Variants in CTNNA3 observed in about 807,000 individuals in gnomAD.
CTNNA3 encodes the protein catenin alpha 3.
In CTNNA3, 76 loss-of-function variants were observed where a neutral mutation model predicts 95.7. That is an observed-to-expected ratio of 0.79 (90% confidence interval 0.66 to 0.96). The LOEUF (loss-of-function observed/expected upper bound fraction) is 0.96. Among genes scored for constraint, CTNNA3 ranks in the 40% least tolerant of loss-of-function variants. The pLI is 0.00. For missense variants in CTNNA3, 1,191 were observed against 1,089.8 expected (o/e 1.09, Z -1.31); for synonymous variants, 431 against 374.4 (o/e 1.15, Z -1.74).
At chr10:66,800,840 T>A (rs1841401126) in intron 7 of CTNNA3, among the ~76,000 whole-genome samples, 1 of 151,328 alleles carries the variant, frequency 6.6e-6, no homozygotes, top group South Asian at 2.1e-4. Context: ...AGCTTCCCCA[T>A]TCATCCTACT....
At chr10:67,476,053 C>A (rs915231716) in intron 5 of CTNNA3, among the ~76,000 whole-genome samples, 1 of 152,190 alleles carries the variant, frequency 6.6e-6, no homozygotes, top group Non-Finnish European at 1.5e-5. Context: ...AAATGTGTAT[C>A]TTTTCCATAT....
intron 15 of CTNNA3, among the ~76,000 whole-genome samples, chr10:66,006,676 T>C (rs2078893058): frequency 6.6e-6 from 1 of 152,202 alleles, no homozygotes; most frequent in Non-Finnish European, 1.5e-5. Flanking sequence ...ACCACCGTGA[T>C]ATACTGGCTG....
intron 5 of CTNNA3, among the ~76,000 whole-genome samples, chr10:67,276,312 A>G (rs1839180733): frequency 6.6e-6 from 1 of 152,158 alleles, no homozygotes; most frequent in Non-Finnish European, 1.5e-5. Context: ...GGTATTGAAA[A>G]TTGAAATATA....
At chr10:67,645,191 G>GTGCA (rs999876286) in intron 2 of CTNNA3, among the ~76,000 whole-genome samples, 40 of 140,536 alleles carry the variant, frequency 2.8e-4, no homozygotes, top group African/African-American at 1.2e-3. Context: ...GTGCACGTGC[G>GTGCA]CGCACACACA....
chr10:66,360,937 C>CTG (rs2092669319), intron 12 of CTNNA3, among the ~76,000 whole-genome samples: 1 of 140,916 alleles, frequency 7.1e-6, no homozygotes, highest in South Asian at 2.2e-4. Context: ...CTGTCTCTCT[C>CTG]TCTCTCTGTC....
intron 6 of CTNNA3, among the ~76,000 whole-genome samples, chr10:67,208,358 G>A (rs1262503474): frequency 1.5e-5 from 2 of 131,966 alleles, no homozygotes; most frequent in African/African-American, 6.0e-5. Flanking sequence ...CAGCCTGGGT[G>A]ACAGAGCAAG....
intron 7 of CTNNA3, among the ~76,000 whole-genome samples, chr10:67,151,054 CTG>C (rs1392533004): frequency 6.6e-6 from 1 of 152,136 alleles, no homozygotes. Context: ...ATTCCCAAGG[CTG>C]TCTTCACACA....
intron 7 of CTNNA3, among the ~76,000 whole-genome samples, chr10:66,995,152 C>A (rs967083393): frequency 2.0e-5 from 3 of 152,124 alleles, no homozygotes; most frequent in Non-Finnish European, 4.4e-5. Context: ...ATGCACATTC[C>A]ATAATCTCAA....
chr10:67,389,976 C>T (rs1171515856), intron 5 of CTNNA3, among the ~76,000 whole-genome samples: 2 of 150,886 alleles, frequency 1.3e-5, no homozygotes. Context: ...AAAATTGACA[C>T]CCTAACATCA....
At chr10:66,757,811 T>C (rs1839425990) in intron 9 of CTNNA3, among the ~76,000 whole-genome samples, 1 of 152,156 alleles carries the variant, frequency 6.6e-6, no homozygotes, top group South Asian at 2.1e-4. Flanking sequence ...CTGGCATTGA[T>C]AGAACTGAGC....
At chr10:67,232,788 T>C (rs1319264485) in intron 5 of CTNNA3, among the ~76,000 whole-genome samples, 1 of 151,548 alleles carries the variant, frequency 6.6e-6, no homozygotes, top group Non-Finnish European at 1.5e-5. Flanking sequence ...GAGACACACA[T>C]AGGCTCAAAA....
intron 12 of CTNNA3, among the ~76,000 whole-genome samples, chr10:66,333,119 T>C (rs1409705338): frequency 6.6e-6 from 1 of 152,056 alleles, no homozygotes; most frequent in Non-Finnish European, 1.5e-5. Flanking sequence ...CTTCTCTCTT[T>C]TCTTCTTTAT....
intron 12 of CTNNA3, among the ~76,000 whole-genome samples, chr10:66,303,547 G>C (rs1464865285): frequency 6.6e-6 from 1 of 151,888 alleles, no homozygotes; most frequent in Non-Finnish European, 1.5e-5. Flanking sequence ...TTATATAATT[G>C]GTTAGGCATA....
chr10:66,532,469 A>G lies in CTNNA3; in HGVS notation c.1375-11696T>C, dbSNP rs1056576022. Among the ~76,000 whole-genome samples, 8 of 36,412 alleles carry G rather than the reference A, an allele frequency of 2.2e-4. No individual in the cohort carries two copies. The Admixed American group carries it at 2.6e-3, about 12-fold the overall frequency. 23.9% of individuals were successfully genotyped at this position (36,412 alleles called of 152,430 possible). A position where few individuals can be genotyped will look rare whatever the true frequency, so the allele number is the denominator to read the frequency against. ...AGAGCGAGACTCCGTCTCAAAAAGA[A>G]AAAAAAAAAAAAGGCATGTATTTGA... On this transcript the variant is annotated intron_variant, in intron 10 of 17. Transcript: ENST00000433211.
chr10:66,003,056 ATACAGCTGTAAT>A lies in CTNNA3; in HGVS notation c.2160-14271_2160-14260del, dbSNP rs2078801978. Among the ~76,000 whole-genome samples, 12 of 152,306 alleles carry A rather than the reference ATACAGCTGTAAT, an allele frequency of 7.9e-5. 1 individual carries two copies. In the South Asian group the frequency reaches 2.5e-3, roughly 32 times the overall value. ...GAGAAAGAACTGAGGCACTTCACTA[ATACAGCTGTAAT>A]TACATGACATATACTCTGCCTGGGC... On this transcript the variant is annotated intron_variant, in intron 15 of 17. Transcript: ENST00000433211.
At chr10:66,507,517 C>T (rs1840492316) in intron 11 of CTNNA3, among the ~76,000 whole-genome samples, 1 of 152,048 alleles carries the variant, frequency 6.6e-6, no homozygotes, top group African/African-American at 2.4e-5. Context: ...CTTACTGTTC[C>T]CAGCCTGTAA....
intron 13 of CTNNA3, among the ~76,000 whole-genome samples, chr10:66,105,186 A>T (rs914074545): frequency 1.1e-4 from 17 of 152,158 alleles, no homozygotes; most frequent in Admixed American, 9.8e-4. Flanking sequence ...CTGCAACTAC[A>T]TGCAGCTATT....
At chr10:66,998,608 T>C (rs928289429) in intron 7 of CTNNA3, among the ~76,000 whole-genome samples, 4 of 152,022 alleles carry the variant, frequency 2.6e-5, no homozygotes, top group East Asian at 3.9e-4. Flanking sequence ...AAAAGGCACA[T>C]TGGAAATAAA....
At chr10:66,421,834 CAAAAAAAAAAA>C (rs35845509) in intron 11 of CTNNA3, among the ~76,000 whole-genome samples, 1 of 81,524 alleles carries the variant, frequency 1.2e-5, no homozygotes, top group Non-Finnish European at 2.6e-5. Context: ...GACTCTGTCT[CAAAAAAAAAAA>C]AAAAAAAAGA....
Sources: gnomAD v4.1 joint callset for allele counts (sites outside exome capture counted in the v4.1 genomes callset) on GRCh38, gnomAD v4.1.1 for gene constraint, MANE v1.5 for transcripts, NCBI Gene and HGNC (gene_info 2026-07-23, HGNC 2026-07-21) for gene names.